Variants in FAT2 observed in about 807,000 individuals in gnomAD.
FAT2 encodes FAT atypical cadherin 2.
In FAT2, 150 loss-of-function variants were observed where a neutral mutation model predicts 295.3. The ratio of observed to expected loss-of-function variants is 0.51; its 90% CI spans 0.44 to 0.58. The LOEUF (loss-of-function observed/expected upper bound fraction) is 0.58. FAT2 is among the 20% of genes least tolerant of loss of function. The probability of loss-of-function intolerance (pLI) is 0.00; values close to 1 mark genes in which losing one functional copy is unlikely to be tolerated. For missense variants in FAT2, 4,868 were observed against 5,442.7 expected, an observed-to-expected ratio of 0.89 and a Z score of 3.32; for synonymous variants, 2,026 against 2,150.3, an observed-to-expected ratio of 0.94 and a Z score of 1.60.
Position 151,521,226 on chromosome 5 carries a change from G to A in FAT2, c.11317+50C>T, listed in dbSNP as rs75833719. The A allele has an allele frequency of 0.047, 72,481 of 1,532,254 alleles. 1,864 individuals are homozygous for A. Among genetic ancestry groups the A allele is most frequent in the African/African-American group, 0.05 (3,706 of 73,578 alleles). 94.9% of individuals were successfully genotyped at this position (1,532,254 alleles called of 1,614,324 possible). A position where few individuals can be genotyped will look rare whatever the true frequency, so the allele number is the denominator to read the frequency against. ...GGAATCTCCATGCTTAGAGTCAGGCGGGCTGAGCCCAGCAGTGCTGCTCGT... is the reference window on the plus strand; with the variant it reads ...GGAATCTCCATGCTTAGAGTCAGGCAGGCTGAGCCCAGCAGTGCTGCTCGT... On this transcript the variant is annotated intron_variant, in intron 19 of 23. Coordinates refer to ENST00000261800, the MANE Select transcript of FAT2 (RefSeq NM_001447.3).
rs761628773 is a variant in FAT2, at chr5:151,534,502, G to A, written c.9334C>T (p.Arg3112Trp). 19 of 1,613,974 alleles carry A rather than the reference G, an allele frequency of 1.2e-5. No individual in the cohort carries two copies. The highest frequency in any genetic ancestry group is 1.1e-4 in the African/African-American group (8 of 74,894). Residue 3112 changes from arginine to tryptophan, a missense_variant, in exon 13 of 24, where the codon CGG (arginine) becomes TGG (tryptophan). Transcript: ENST00000261800. Reference protein sequence around the residue: ...HVEDVNDNAPRFFPSHCAVAV... With the variant: ...HVEDVNDNAPWFFPSHCAVAV... ...ACAGCACAGTGGCTGGGGAAGAACC[G>A]CGGGGCATTGTCATTCACATCCTCC...
chr5:151,579,271 A>G (rs1296480368), intron 1 of FAT2, among the ~76,000 whole-genome samples: 1 of 152,176 alleles, frequency 6.6e-6, no homozygotes, highest in African/African-American at 2.4e-5. Context: ...TTGTCATCAC[A>G]AAAAAATAAG....
Position 151,567,392 on chromosome 5 carries a change from T to A in FAT2, c.1540A>T (p.Ile514Phe). 4 of 1,614,090 alleles carry A rather than the reference T, an allele frequency of 2.5e-6. No individual in the cohort carries two copies. The highest frequency in any genetic ancestry group is 3.4e-6 in the Non-Finnish European group (4 of 1,179,930). ...PFSIDPYLGIISTSKPMDYEL... is the reference protein window; with the variant it reads ...PFSIDPYLGIFSTSKPMDYEL... Reference sequence around the variant, plus strand: ...TAGTCCATGGGTTTGGAGGTGGAGATGATCCCCAGGTAGGGGTCAATAGAA... The same window carrying A: ...TAGTCCATGGGTTTGGAGGTGGAGAAGATCCCCAGGTAGGGGTCAATAGAA... The change falls in exon 2 of 24, where the codon ATC (isoleucine) becomes TTC (phenylalanine). Residue 514 changes from isoleucine (I) to phenylalanine (F), a missense_variant. By Grantham distance (21) the Ile-to-Phe change is conservative. Coordinates refer to ENST00000261800, the MANE Select transcript of FAT2 (RefSeq NM_001447.3).
chr5:151,545,674 C>G lies in FAT2; in HGVS notation c.5453G>C (p.Ser1818Thr), dbSNP rs772122787. 1.9e-6 allele frequency: 3 copies of G among 1,614,044 alleles called. No homozygotes were observed. Among genetic ancestry groups the G allele is most frequent in the Non-Finnish European group, 2.5e-6 (3 of 1,180,038 alleles). ...EALKFFKIDP[S>T]MGTLTIVSEM... ...TGATACAATGGTTAGGGTTCCCATG[C>G]TGGGATCAATTTTGAAAAACTTCAA... Residue 1818 changes from serine (S) to threonine (T), a missense_variant, in exon 10 of 24, where the codon AGC becomes ACC. Ser to Thr is a moderately conservative substitution (Grantham distance 58). This residue lies in a region of FAT2 where 3,297 missense variants were observed against 3,669.4 expected (regional missense o/e 0.90). Coordinates refer to ENST00000261800, the MANE Select transcript of FAT2 (RefSeq NM_001447.3).
chr5:151,528,071 C>A lies in FAT2; in HGVS notation c.10089G>T (p.Gly3363=), dbSNP rs766576191. ...NSDITYSLIG[G]NQLGHFTIHP... ...GAATGGTGAAGTGCCCAAGCTGGTT[C>A]CCTCCTATGAGGCTATAGGTAATGT... Residue 3363 remains glycine (G), a synonymous_variant, in exon 16 of 24, where the codon GGG becomes GGT. Coordinates refer to ENST00000261800, the MANE Select transcript of FAT2 (RefSeq NM_001447.3). The A allele has an allele frequency of 6.2e-7, 1 of 1,614,200 alleles. No homozygotes were observed. Among genetic ancestry groups the A allele is most frequent in the Non-Finnish European group, 8.5e-7 (1 of 1,180,032 alleles).
intron 12 of FAT2, among the ~76,000 whole-genome samples, chr5:151,536,415 T>C (rs1448661108): frequency 6.6e-6 from 1 of 152,064 alleles, no homozygotes; most frequent in Non-Finnish European, 1.5e-5. Context: ...TGCTCAGGTA[T>C]CTCCAAGTCA....
At chr5:151,569,674 T>G (rs1285379190) in intron 1 of FAT2, among the ~76,000 whole-genome samples, 4 of 152,200 alleles carry the variant, frequency 2.6e-5, no homozygotes, top group Admixed American at 2.0e-4. Context: ...CTCTTACTCT[T>G]TTTTCCCAAA....
rs992900041 is a variant in FAT2, at chr5:151,532,071, C to T, written c.9428-101G>A. 4 of 1,469,462 alleles carry T rather than the reference C, an allele frequency of 2.7e-6. No homozygotes were observed. The African/African-American group carries it at 5.6e-5, about 21-fold the overall frequency. 91.0% of individuals were successfully genotyped at this position (1,469,462 alleles called of 1,614,324 possible). A position where few individuals can be genotyped will look rare whatever the true frequency, so the allele number is the denominator to read the frequency against. ...ACAGGAGGGGCTGGGGAGGGGCTCC[C>T]ATGAAGGCGGACAAGCTGGCTTGGG... On this transcript the variant is annotated intron_variant, in intron 13 of 23. Coordinates refer to ENST00000261800, the MANE Select transcript of FAT2 (RefSeq NM_001447.3).
intron 2 of FAT2, among the ~76,000 whole-genome samples, chr5:151,563,870 G>A (rs1758134208): frequency 6.6e-6 from 1 of 152,188 alleles, no homozygotes; most frequent in South Asian, 2.1e-4. Flanking sequence ...CTGCTAAAAT[G>A]GACGCATGCC....
At chr5:151,546,813 G>A (rs1030085843) in intron 9 of FAT2, among the ~76,000 whole-genome samples, 7 of 151,998 alleles carry the variant, frequency 4.6e-5, no homozygotes, top group African/African-American at 1.7e-4. Flanking sequence ...CAAACTCCTG[G>A]GCTCAAGCGG....
rs1393914408 is a variant in FAT2, at chr5:151,542,708, T to C, written c.8419A>G (p.Thr2807Ala). The C allele has an allele frequency of 6.2e-7, 1 of 1,614,240 alleles. No individual in the cohort carries two copies. The highest frequency in any genetic ancestry group is 8.5e-7 in the Non-Finnish European group (1 of 1,180,032). ...FEADPYKAVL[T>A]ENMPVGTSVI... ...GAGGTCCCCACTGGCATATTCTCAG[T>C]GAGGACAGCCTTATATGGATCAGCC... The change falls in exon 10 of 24, where the codon ACT (threonine) becomes GCT (alanine). Residue 2807 changes from threonine (T) to alanine (A), a missense_variant. Physicochemically the swap from Thr to Ala is moderately conservative, Grantham distance 58 (BLOSUM62 0). Coordinates refer to ENST00000261800, the MANE Select transcript of FAT2 (RefSeq NM_001447.3).
In FAT2 at chr5:151,544,026, G is replaced by C. The variant is rs891891223; in HGVS notation, c.7101C>G (p.Val2367=). 6.2e-7 allele frequency: 1 copy of C among 1,614,064 alleles called. No homozygotes were observed. Among genetic ancestry groups the C allele is most frequent in the Non-Finnish European group, 8.5e-7 (1 of 1,180,044 alleles). The change falls in exon 10 of 24, where the codon GTC becomes GTG. Residue 2367 remains valine, a synonymous_variant. Transcript: ENST00000261800. The part of the protein sequence containing the change: ...PPLTGETLVV[V]NVSDINDNPP... ...GGTTGTCATTGATATCAGACACATT[G>C]ACAACCACAAGGGTTTCACCAGTGA...
intron 19 of FAT2, among the ~76,000 whole-genome samples, chr5:151,519,524 T>A (rs780085029): frequency 6.6e-6 from 1 of 152,146 alleles, no homozygotes; most frequent in Non-Finnish European, 1.5e-5. Context: ...TCTCGGAGAA[T>A]CTGATTCAGT....
intron 19 of FAT2, among the ~76,000 whole-genome samples, chr5:151,518,374 A>ATTATTATTATT (rs60093109): frequency 1.7e-4 from 25 of 147,412 alleles, no homozygotes; most frequent in Middle Eastern, 3.5e-3. Context: ...TAATAATAAT[A>ATTATTATTATT]ATTTTTAAAA....
chr5:151,581,176 A>G (rs528951023), intron 1 of FAT2, among the ~76,000 whole-genome samples: 2 of 152,270 alleles, frequency 1.3e-5, no homozygotes, highest in Admixed American at 1.3e-4. Context: ...AAATCATGGG[A>G]CCTGACAGAG....
intron 1 of FAT2, 131 bp from the exon 2 acceptor site, chr5:151,569,082 C>A (rs544136867): frequency 5.4e-5 from 49 of 904,924 alleles, no homozygotes; most frequent in African/African-American, 4.7e-4. Context: ...TTTGGCTGAC[C>A]CAGCTTGGGA....
In FAT2 at chr5:151,510,591, A is replaced by T. The variant is rs78208578; in HGVS notation, c.11906-417T>A. ...AAAGGAGGCACAGAGAATGGACAGA[A>T]TTTGCTCAAGCCAGTAAATGGCAAA... is the stretch of plus-strand genomic sequence containing the variant. On this transcript the variant is annotated intron_variant, in intron 21 of 23. Coordinates refer to ENST00000261800, the MANE Select transcript of FAT2 (RefSeq NM_001447.3). The T allele has an allele frequency of 3.2e-3, 500 of 156,660 alleles. 6 individuals carry two copies. Among genetic ancestry groups the T allele is most frequent in the African/African-American group, 0.012 (485 of 41,742 alleles). 9.7% of individuals were successfully genotyped at this position (156,660 alleles called of 1,614,324 possible). A position where few individuals can be genotyped will look rare whatever the true frequency, so the allele number is the denominator to read the frequency against.
intron 3 of FAT2, among the ~76,000 whole-genome samples, chr5:151,557,155 C>A (rs888517969): frequency 6.6e-6 from 1 of 152,140 alleles, no homozygotes; most frequent in East Asian, 1.9e-4. Context: ...TGCTGTGATG[C>A]AGTTTTGGTT....
chr5:151,544,573 G>A lies in FAT2; in HGVS notation c.6554C>T (p.Thr2185Ile), dbSNP rs2127610111. 1.2e-6 allele frequency: 2 copies of A among 1,614,080 alleles called. No homozygotes were observed. Among genetic ancestry groups the A allele is most frequent in the Non-Finnish European group, 1.7e-6 (2 of 1,179,976 alleles). The change falls in exon 10 of 24, where the codon ACC (threonine) becomes ATC (isoleucine). Residue 2185 changes from threonine (T) to isoleucine (I), a missense_variant. Transcript: ENST00000261800. The stretch of plus-strand genomic sequence containing the variant: ...GGTGTGGAGAATTGGGGTATAGAGG[G>A]TGATATTTTCAGGTACTCTGACTTT... ...YYKVRVPENI[T>I]LYTPILHTQA...
Sources: allele counts gnomAD v4.1 joint callset (sites outside exome capture counted in the v4.1 genomes callset), GRCh38; gene constraint gnomAD v4.1.1; regional missense constraint gnomAD v4.1.1; transcripts MANE v1.5; gene names NCBI Gene and HGNC (gene_info 2026-07-23, HGNC 2026-07-21).